The following GALNTL6 variants were observed in gnomAD, a reference collection of about 807,000 sequenced individuals.
The protein encoded by GALNTL6 is polypeptide N-acetylgalactosaminyltransferase-like 6.
In GALNTL6, 46 loss-of-function variants were observed where a neutral mutation model predicts 73.7. The ratio of observed to expected loss-of-function variants is 0.62; its 90% CI spans 0.49 to 0.80. The LOEUF (loss-of-function observed/expected upper bound fraction) is 0.80. Among genes scored for constraint, GALNTL6 ranks in the 30% least tolerant of loss-of-function variants. The pLI, the probability that GALNTL6 is intolerant of heterozygous loss-of-function variation, is 0.00. For synonymous variants in GALNTL6, 259 were observed against 263.7 expected, an observed-to-expected ratio of 0.98 and a Z score of 0.17; for missense variants, 604 against 755.0, an observed-to-expected ratio of 0.80 and a Z score of 2.34.
intron 5 of GALNTL6, among the ~76,000 whole-genome samples, chr4:172,778,399 T>C (rs1215541013): frequency 6.6e-6 from 1 of 152,194 alleles, no homozygotes; most frequent in East Asian, 1.9e-4. Context: ...AAGATTTAAG[T>C]CTGGAGCTGG....
intron 2 of GALNTL6, among the ~76,000 whole-genome samples, chr4:171,855,511 G>A (rs972480340): frequency 4.6e-5 from 7 of 152,246 alleles, no homozygotes; most frequent in African/African-American, 1.7e-4. Context: ...CAGTTTTTAT[G>A]TATTCACCTA....
chr4:172,337,700 G>GT lies in GALNTL6; in HGVS notation c.387-10812dup, dbSNP rs1359290509. On this transcript the variant is annotated intron_variant, in intron 4 of 12. Coordinates refer to ENST00000506823, the MANE Select transcript of GALNTL6 (RefSeq NM_001034845.3). ...ACTCTACCCGTCTTTAAGGTTTTTTGTTTTTTTTTTTCTAGTGTTGACCTT... is the reference window on the plus strand; with the variant it reads ...ACTCTACCCGTCTTTAAGGTTTTTTGTTTTTTTTTTTTCTAGTGTTGACCTT... Among the ~76,000 whole-genome samples, 158 of 86,800 alleles carry GT rather than the reference G, an allele frequency of 1.8e-3. 3 individuals carry two copies. Among genetic ancestry groups the GT allele is most frequent in the African/African-American group, 4.8e-3 (155 of 32,442 alleles). The allele number at this position is 86,800 out of a possible 152,430, so 56.9% of individuals were successfully genotyped here.
intron 2 of GALNTL6, among the ~76,000 whole-genome samples, chr4:172,168,632 G>A (rs1270798018): frequency 6.6e-6 from 1 of 151,916 alleles, no homozygotes; most frequent in African/African-American, 2.4e-5. Context: ...GCTGGTGATG[G>A]TGATGTTGAT....
intron 2 of GALNTL6, among the ~76,000 whole-genome samples, chr4:172,222,065 A>G (rs1736695103): frequency 6.6e-6 from 1 of 151,838 alleles, no homozygotes; most frequent in African/African-American, 2.4e-5. Context: ...ATATAGGAGA[A>G]AAGGGGATCA....
At chr4:172,232,955 T>A (rs1737119443) in intron 3 of GALNTL6, among the ~76,000 whole-genome samples, 1 of 152,206 alleles carries the variant, frequency 6.6e-6, no homozygotes. Flanking sequence ...TTTTGTAGAT[T>A]ATTTTAAAAC....
intron 3 of GALNTL6, among the ~76,000 whole-genome samples, chr4:172,275,755 G>T (rs1738806561): frequency 1.3e-5 from 2 of 152,206 alleles, no homozygotes; most frequent in African/African-American, 4.8e-5. Context: ...TCAAAAGTTG[G>T]ACACCAGCCT....
chr4:172,334,111 T>TTACTC (rs200282043), intron 4 of GALNTL6, among the ~76,000 whole-genome samples: 2,481 of 151,958 alleles, frequency 0.016, 32 homozygotes, highest in Admixed American at 0.025. Flanking sequence ...TTACTACACT[T>TTACTC]TACTCTACTC....
chr4:172,370,604 G>C (rs1015147286), intron 5 of GALNTL6, among the ~76,000 whole-genome samples: 129 of 142,350 alleles, frequency 9.1e-4, no homozygotes, highest in African/African-American at 3.2e-3. Context: ...GCACTCCAGC[G>C]TGGGCGACAG....
At chr4:172,936,842 C>A (rs1018459854) in intron 9 of GALNTL6, among the ~76,000 whole-genome samples, 1 of 152,064 alleles carries the variant, frequency 6.6e-6, no homozygotes, top group African/African-American at 2.4e-5. Flanking sequence ...ATTGTACAGG[C>A]TGCTTCCCAG....
intron 9 of GALNTL6, among the ~76,000 whole-genome samples, chr4:172,947,762 A>C (rs1749240010): frequency 1.3e-5 from 2 of 152,224 alleles, no homozygotes; most frequent in South Asian, 4.1e-4. Context: ...TCAAGTGAGA[A>C]ACATTGCTTT....
At chr4:172,657,654 C>T (rs1268197782) in intron 5 of GALNTL6, among the ~76,000 whole-genome samples, 1 of 152,206 alleles carries the variant, frequency 6.6e-6, no homozygotes, top group African/African-American at 2.4e-5. Context: ...TGAACTCACA[C>T]TAGCACCCAA....
chr4:171,866,426 T>G (rs939003745), intron 2 of GALNTL6, among the ~76,000 whole-genome samples: 7 of 152,198 alleles, frequency 4.6e-5, no homozygotes, highest in Admixed American at 3.9e-4. Context: ...ATCATTACTA[T>G]TTAACATTGA....
At chr4:172,490,382 A>T (rs1421531038) in intron 5 of GALNTL6, among the ~76,000 whole-genome samples, 1 of 152,176 alleles carries the variant, frequency 6.6e-6, no homozygotes, top group African/African-American at 2.4e-5. Context: ...TACCCCAAAA[A>T]TAGTTTATAA....
intron 2 of GALNTL6, among the ~76,000 whole-genome samples, chr4:171,997,192 TG>T (rs1335399382): frequency 6.6e-6 from 1 of 152,124 alleles, no homozygotes; most frequent in Non-Finnish European, 1.5e-5. Flanking sequence ...GTTTGCAACC[TG>T]GTAGAGCAAA....
chr4:172,928,336 G>C (rs923668814), intron 8 of GALNTL6, among the ~76,000 whole-genome samples: 1 of 152,162 alleles, frequency 6.6e-6, no homozygotes, highest in African/African-American at 2.4e-5. Flanking sequence ...CTTTGAACAA[G>C]CTACTTAGCA....
intron 3 of GALNTL6, among the ~76,000 whole-genome samples, chr4:172,268,162 C>A (rs1738513535): frequency 6.6e-6 from 1 of 152,172 alleles, no homozygotes; most frequent in Non-Finnish European, 1.5e-5. Flanking sequence ...TTATACTACA[C>A]AATAAGTCTG....
At chr4:172,383,109 T>C (rs1244896164) in intron 5 of GALNTL6, among the ~76,000 whole-genome samples, 2 of 152,152 alleles carry the variant, frequency 1.3e-5, no homozygotes, top group Non-Finnish European at 2.9e-5. Flanking sequence ...TTGACTATTC[T>C]GGAGCCATTA....
chr4:172,272,431 A>C (rs1009254514), intron 3 of GALNTL6, among the ~76,000 whole-genome samples: 10 of 152,238 alleles, frequency 6.6e-5, no homozygotes, highest in African/African-American at 2.4e-4. Flanking sequence ...GCCATACAAT[A>C]TACCTATTGC....
chr4:171,853,314 C>CAA (rs1347680095), intron 2 of GALNTL6, among the ~76,000 whole-genome samples: 9 of 151,922 alleles, frequency 5.9e-5, no homozygotes, highest in Admixed American at 5.9e-4. Context: ...CTCAGGTGAG[C>CAA]ATTTACCTGC....
Sources: gnomAD v4.1 joint callset for allele counts (sites outside exome capture counted in the v4.1 genomes callset) on GRCh38, gnomAD v4.1.1 for gene constraint, MANE v1.5 for transcripts, NCBI Gene and HGNC (gene_info 2026-07-23, HGNC 2026-07-21) for gene names.